ANK3: variants seen among roughly 807,000 people sequenced by gnomAD.
The protein encoded by ANK3 is ankyrin 3.
A neutral mutation model predicts 370.9 loss-of-function variants in ANK3; 57 were observed. The observed-to-expected ratio is 0.15, with a 90% CI of 0.12 to 0.19. ANK3 has a LOEUF of 0.19. Among genes scored for constraint, ANK3 ranks in the 10% least tolerant of loss-of-function variants. ANK3 has a pLI of 1.00. For missense variants in ANK3, 4,439 were observed against 5,302.1 expected, an observed-to-expected ratio of 0.84 and a Z score of 5.06; for synonymous variants, 1,929 against 1,946.3, an observed-to-expected ratio of 0.99 and a Z score of 0.23.
chr10:60,071,986 A>T lies in ANK3; in HGVS notation c.8895T>A (p.Ala2965=), dbSNP rs10740006. ...SAVSHIPVRV[A]DERRMLSSNI... is the part of the protein sequence containing the mutation. ...TAGAAGACAGCATTCTCCTCTCATCAGCAACTCTGACGGGAATGTGTGACA... is the reference window on the plus strand; with the variant it reads ...TAGAAGACAGCATTCTCCTCTCATCTGCAACTCTGACGGGAATGTGTGACA... Residue 2965 remains alanine (A), a synonymous_variant, in exon 37 of 44, where the codon GCT becomes GCA. Transcript: ENST00000280772. The T allele has an allele frequency of 6.2e-7, 1 of 1,613,860 alleles. No homozygotes were observed. The highest frequency in any genetic ancestry group is 1.7e-5 in the Admixed American group (1 of 59,980).
intron 2 of ANK3, among the ~76,000 whole-genome samples, chr10:60,408,223 A>T (rs769162825): frequency 6.6e-6 from 1 of 152,024 alleles, no homozygotes; most frequent in Non-Finnish European, 1.5e-5. Context: ...TATACTTTGG[A>T]TCTGTGTCCC....
At chr10:60,090,948 G>A (rs939639961) in intron 28 of ANK3, among the ~76,000 whole-genome samples, 6 of 151,824 alleles carry the variant, frequency 4.0e-5, no homozygotes, top group Middle Eastern at 6.8e-3. Flanking sequence ...TCGCCGTGTC[G>A]CCCACGAGTG....
intron 40 of ANK3, among the ~76,000 whole-genome samples, chr10:60,060,948 A>G (rs2080327042): frequency 6.6e-6 from 1 of 152,206 alleles, no homozygotes; most frequent in Admixed American, 6.5e-5. Context: ...TGCATGGACT[A>G]TGGAAGCATT....
intron 1 of ANK3, among the ~76,000 whole-genome samples, chr10:60,618,178 G>T (rs1239704624): frequency 6.6e-6 from 1 of 152,120 alleles, no homozygotes; most frequent in African/African-American, 2.4e-5. Context: ...TCTGGTTCCA[G>T]TGTCTATTTT....
At chr10:60,443,547 C>T (rs1263623950) in intron 2 of ANK3, among the ~76,000 whole-genome samples, 1 of 152,130 alleles carries the variant, frequency 6.6e-6, no homozygotes, top group Non-Finnish European at 1.5e-5. Context: ...CCAACATAAA[C>T]TCCTTCATTT....
At chr10:60,213,036 A>G (rs569198008) in intron 9 of ANK3, among the ~76,000 whole-genome samples, 20 of 152,278 alleles carry the variant, frequency 1.3e-4, no homozygotes, top group African/African-American at 4.6e-4. Context: ...TTAAAAGTCT[A>G]TGAACTCTCA....
At chr10:60,686,895 A>C (rs2079275544) in intron 1 of ANK3, among the ~76,000 whole-genome samples, 2 of 152,214 alleles carry the variant, frequency 1.3e-5, no homozygotes. Context: ...AAAGTGTAAC[A>C]ATGTTTCAGT....
At chr10:60,667,796 C>A (rs78921996) in intron 1 of ANK3, among the ~76,000 whole-genome samples, 3 of 151,362 alleles carry the variant, frequency 2.0e-5, no homozygotes, top group Non-Finnish European at 4.4e-5. Context: ...TCAGTTCTAT[C>A]CTCAATAATT....
Position 60,072,107 on chromosome 10 carries a change from G to A in ANK3, c.8774C>T (p.Ser2925Phe), listed in dbSNP as rs1215884242. The change falls in exon 37 of 44, where the codon TCC (serine) becomes TTC (phenylalanine). Residue 2925 changes from serine (S) to phenylalanine (F), a missense_variant. Transcript: ENST00000280772. ...EIKEMTVKSP[S>F]KKVLYREYVV... ...ATATTCCCTATATAAGACTTTTTTG[G>A]AGGGAGATTTTACAGTCATTTCTTT... 1.2e-6 allele frequency: 2 copies of A among 1,613,700 alleles called. No homozygotes were observed. The highest frequency in any genetic ancestry group is 1.1e-5 in the South Asian group (1 of 91,040).
chr10:60,121,494 C>T (rs1339201632), intron 25 of ANK3, among the ~76,000 whole-genome samples: 2 of 151,658 alleles, frequency 1.3e-5, no homozygotes, highest in Admixed American at 1.3e-4. Context: ...GAGTTTAAGA[C>T]CAGCCTGGGC....
At chr10:60,196,677 A>C in intron 14 of ANK3, 52 bp from the exon 15 acceptor site, 1 of 1,242,786 alleles carries the variant, frequency 8.0e-7, no homozygotes, top group Non-Finnish European at 1.1e-6. Context: ...ACATAAGGAA[A>C]ACACACACAA....
At chr10:60,701,269 A>T (rs2079542304) in intron 1 of ANK3, among the ~76,000 whole-genome samples, 2 of 152,158 alleles carry the variant, frequency 1.3e-5, no homozygotes, top group Non-Finnish European at 2.9e-5. Context: ...AGAAAAAAAA[A>T]CATTTTCATA....
intron 8 of ANK3, among the ~76,000 whole-genome samples, chr10:60,218,331 T>A (rs1003859628): frequency 7.2e-6 from 1 of 138,068 alleles, no homozygotes; most frequent in African/African-American, 2.5e-5. Context: ...ATCATGCTGC[T>A]ATTTGGTTAT....
intron 2 of ANK3, among the ~76,000 whole-genome samples, chr10:60,559,864 G>C (rs1196738831): frequency 1.3e-5 from 2 of 152,126 alleles, no homozygotes; most frequent in African/African-American, 4.8e-5. Context: ...CCAACATGGT[G>C]AAACCCCATC....
At position 60,063,092 on chromosome 10, in the gene ANK3, G is replaced by GTT; in HGVS notation, c.12595+18_12595+19insAA. The GTT allele has an allele frequency of 6.2e-7, 1 of 1,601,090 alleles. No individual in the cohort carries two copies. The highest frequency in any genetic ancestry group is 8.5e-7 in the Non-Finnish European group (1 of 1,175,516). On this transcript the variant is annotated intron_variant, in intron 40 of 43. Transcript: ENST00000280772. ...TTTTATCAAATGATTAAATAAATATGAACACTAAATTCGATTACCATCAAC... is the reference window on the plus strand; with the variant it reads ...TTTTATCAAATGATTAAATAAATATGTTAACACTAAATTCGATTACCATCAAC...
intron 28 of ANK3, among the ~76,000 whole-genome samples, chr10:60,096,339 T>C (rs1367310264): frequency 6.6e-6 from 1 of 152,158 alleles, no homozygotes; most frequent in African/African-American, 2.4e-5. Flanking sequence ...CCTTACTAAT[T>C]AGGTCAAAGA....
At chr10:60,520,134 A>G (rs1319081945) in intron 2 of ANK3, among the ~76,000 whole-genome samples, 1 of 152,176 alleles carries the variant, frequency 6.6e-6, no homozygotes, top group Non-Finnish European at 1.5e-5. Context: ...CTTTGCAGCA[A>G]CATGGATGCA....
chr10:60,589,490 CTT>C (rs145587272), intron 2 of ANK3, among the ~76,000 whole-genome samples: 3,511 of 152,218 alleles, frequency 0.023, 54 homozygotes, highest in Middle Eastern at 0.041. Context: ...TACTGATAGA[CTT>C]TTTTTAAGTT....
chr10:60,706,167 C>T (rs2079614448), intron 1 of ANK3, among the ~76,000 whole-genome samples: 1 of 152,180 alleles, frequency 6.6e-6, no homozygotes, highest in South Asian at 2.1e-4. Context: ...TCTCTCTTGA[C>T]AGAGCAGAAG....
Sources: gnomAD v4.1 joint callset for allele counts (sites outside exome capture counted in the v4.1 genomes callset) on GRCh38, gnomAD v4.1.1 for gene constraint, MANE v1.5 for transcripts, NCBI Gene and HGNC (gene_info 2026-07-23, HGNC 2026-07-21) for gene names.